The following SPOCK1 variants were observed in gnomAD, a reference collection of about 807,000 sequenced individuals.
SPOCK1 encodes testican-1.
A neutral mutation model predicts 55.3 loss-of-function variants in SPOCK1; 23 were observed. That is an observed-to-expected ratio of 0.42 (90% CI 0.30 to 0.59). The LOEUF is 0.59. SPOCK1 is among the 20% of genes least tolerant of loss of function. The pLI is 0.22. For missense variants in SPOCK1, 499 were observed against 552.5 expected, an observed-to-expected ratio of 0.90 and a Z score of 0.97; for synonymous variants, 226 against 221.0, an observed-to-expected ratio of 1.02 and a Z score of -0.20.
intron 5 of SPOCK1, among the ~76,000 whole-genome samples, chr5:137,083,722 T>C (rs902642323): frequency 3.9e-5 from 6 of 152,100 alleles, no homozygotes; most frequent in African/African-American, 1.4e-4. Context: ...ATACTTGCTA[T>C]GTGAGAGCTA....
At chr5:137,429,037 C>T (rs1752691712) in intron 2 of SPOCK1, among the ~76,000 whole-genome samples, 1 of 152,180 alleles carries the variant, frequency 6.6e-6, no homozygotes, top group African/African-American at 2.4e-5. Context: ...GAGTGGTTTC[C>T]CTTTATTCTT....
chr5:137,289,597 C>T (rs1460668286), intron 2 of SPOCK1, among the ~76,000 whole-genome samples: 3 of 152,170 alleles, frequency 2.0e-5, no homozygotes, highest in Admixed American at 6.5e-5. Flanking sequence ...GCCATTAGAG[C>T]TGTATATCCT....
intron 2 of SPOCK1, among the ~76,000 whole-genome samples, chr5:137,275,974 TC>T (rs1414740840): frequency 6.6e-6 from 1 of 152,092 alleles, no homozygotes; most frequent in Admixed American, 6.5e-5. Context: ...CCTCCCTGCC[TC>T]CCCTGAGCCC....
At chr5:137,348,044 T>G (rs1750598315) in intron 2 of SPOCK1, among the ~76,000 whole-genome samples, 1 of 152,194 alleles carries the variant, frequency 6.6e-6, no homozygotes, top group Admixed American at 6.5e-5. Context: ...TGCTGGGCTG[T>G]GGGCCACACC....
chr5:137,016,187 C>T (rs1751445156), intron 6 of SPOCK1, among the ~76,000 whole-genome samples: 2 of 152,194 alleles, frequency 1.3e-5, no homozygotes, highest in Admixed American at 6.5e-5. Flanking sequence ...TACCTCTGGA[C>T]CTTTACAAAC....
chr5:137,482,993 C>T (rs1753980699), intron 2 of SPOCK1, among the ~76,000 whole-genome samples: 1 of 152,158 alleles, frequency 6.6e-6, no homozygotes, highest in Non-Finnish European at 1.5e-5. Flanking sequence ...CTTTATTATA[C>T]CTGATTGGAT....
At chr5:137,006,229 T>C (rs1391980102) in intron 6 of SPOCK1, among the ~76,000 whole-genome samples, 2 of 152,172 alleles carry the variant, frequency 1.3e-5, no homozygotes, top group African/African-American at 4.8e-5. Flanking sequence ...TAGTTTTTTC[T>C]AATTCTGTGA....
At chr5:137,207,170 G>C (rs1282311457) in intron 3 of SPOCK1, among the ~76,000 whole-genome samples, 3 of 152,150 alleles carry the variant, frequency 2.0e-5, no homozygotes, top group Non-Finnish European at 4.4e-5. Flanking sequence ...ACAGAACCCC[G>C]AGCAGCCTGT....
intron 3 of SPOCK1, among the ~76,000 whole-genome samples, chr5:137,218,683 T>C (rs58899162): frequency 0.11 from 16,878 of 152,216 alleles, 1,176 homozygotes; most frequent in East Asian, 0.22. Flanking sequence ...ACTGGTCTCA[T>C]TCCTGAGACA....
intron 6 of SPOCK1, among the ~76,000 whole-genome samples, chr5:137,004,247 A>G (rs1580702923): frequency 6.6e-6 from 1 of 152,290 alleles, no homozygotes; most frequent in East Asian, 1.9e-4. Context: ...CACCTGCATT[A>G]TCATGCTTCC....
chr5:137,421,813 G>C (rs530391578), intron 2 of SPOCK1, among the ~76,000 whole-genome samples: 16 of 152,226 alleles, frequency 1.1e-4, no homozygotes, highest in African/African-American at 3.9e-4. Context: ...GGTTAATATT[G>C]TTATGTGTGA....
At chr5:137,156,503 AT>A (rs1397573038) in intron 3 of SPOCK1, among the ~76,000 whole-genome samples, 2 of 152,106 alleles carry the variant, frequency 1.3e-5, no homozygotes, top group Non-Finnish European at 2.9e-5. Flanking sequence ...ACAACCAATA[AT>A]TCATGTGTGT....
intron 4 of SPOCK1, among the ~76,000 whole-genome samples, chr5:137,133,203 A>T (rs1343271930): frequency 3.3e-5 from 5 of 151,952 alleles, no homozygotes; most frequent in Admixed American, 2.6e-4. Context: ...CCCCACCTCT[A>T]CTAAAAATAC....
chr5:137,439,387 G>C (rs1463618376), intron 2 of SPOCK1, among the ~76,000 whole-genome samples: 3 of 152,196 alleles, frequency 2.0e-5, no homozygotes, highest in African/African-American at 7.2e-5. Context: ...AGCACAGGGA[G>C]AGCTAAGGAC....
At chr5:137,474,180 G>C (rs1236273888) in intron 2 of SPOCK1, among the ~76,000 whole-genome samples, 2 of 151,454 alleles carry the variant, frequency 1.3e-5, no homozygotes, top group Non-Finnish European at 2.9e-5. Context: ...CACTAAAGAA[G>C]TTACATAACC....
intron 2 of SPOCK1, among the ~76,000 whole-genome samples, chr5:137,287,095 G>A (rs1175943575): frequency 1.3e-5 from 2 of 152,302 alleles, no homozygotes; most frequent in South Asian, 4.2e-4. Flanking sequence ...CTGCTTTTCA[G>A]TTGGTCCTGC....
intron 3 of SPOCK1, among the ~76,000 whole-genome samples, chr5:137,157,825 C>T (rs568717164): frequency 2.6e-4 from 39 of 152,110 alleles, no homozygotes; most frequent in Non-Finnish European, 5.3e-4. Context: ...TTCGGGAGAC[C>T]GAGGCAGGCA....
At chr5:137,403,236 G>A (rs1752021644) in intron 2 of SPOCK1, among the ~76,000 whole-genome samples, 1 of 152,182 alleles carries the variant, frequency 6.6e-6, no homozygotes, top group Non-Finnish European at 1.5e-5. Flanking sequence ...GAGCAGTCAC[G>A]CTGCACTGCC....
chr5:137,410,590 A>G (rs374635877), intron 2 of SPOCK1, among the ~76,000 whole-genome samples: 56 of 152,350 alleles, frequency 3.7e-4, no homozygotes, highest in African/African-American at 1.2e-3. Context: ...CCCAGAAGAT[A>G]TCCCTGCATT....
Sources: allele counts gnomAD v4.1 joint callset (sites outside exome capture counted in the v4.1 genomes callset), GRCh38; gene constraint gnomAD v4.1.1; transcripts MANE v1.5; gene names NCBI Gene and HGNC (gene_info 2026-07-23, HGNC 2026-07-21).